The following MYCBP2 variants were observed in gnomAD, a reference collection of about 807,000 sequenced individuals.
MYCBP2 encodes MYC binding protein 2.
MYCBP2 carries 120 observed loss-of-function variants against 525.3 expected under a neutral mutation model. The ratio of observed to expected loss-of-function variants is 0.23; its 90% CI spans 0.20 to 0.27. The LOEUF (loss-of-function observed/expected upper bound fraction) is 0.27, where lower values mean the gene tolerates loss of function less well. Among genes scored for constraint, MYCBP2 ranks in the 10% least tolerant of loss-of-function variants. MYCBP2 has a pLI of 1.00. For synonymous variants in MYCBP2, 1,894 were observed against 1,955.8 expected (o/e 0.97, Z 0.83); for missense variants, 4,149 against 5,657.1 (o/e 0.73, Z 8.55).
Position 77,217,956 on chromosome 13 carries a change from C to T in MYCBP2, c.2941G>A (p.Gly981Arg). 11 of 1,566,330 alleles carry T rather than the reference C, an allele frequency of 7.0e-6. No homozygotes were observed. Among genetic ancestry groups the T allele is most frequent in the Non-Finnish European group, 6.9e-6 (8 of 1,162,170 alleles). ...AATGCTTGAACAAGAGTGGGACATCCCCTAGGTTAAAAAAAAAAAAAGTAA... is the reference window on the plus strand; with the variant it reads ...AATGCTTGAACAAGAGTGGGACATCTCCTAGGTTAAAAAAAAAAAAAGTAA... ...QLGHGDVNSR[G>R]CPTLVQALPG... Residue 981 changes from glycine to arginine, a missense_variant and splice_region_variant, in exon 21 of 83, where the codon GGA (glycine) becomes AGA (arginine). By Grantham distance (125) the Gly-to-Arg change is moderately radical. Coordinates refer to ENST00000544440, the MANE Select transcript of MYCBP2 (RefSeq NM_015057.5).
At chr13:77,180,581 T>C (rs1475203390) in intron 33 of MYCBP2, among the ~76,000 whole-genome samples, 1 of 152,180 alleles carries the variant, frequency 6.6e-6, no homozygotes, top group East Asian at 1.9e-4. Flanking sequence ...TTATTTAACT[T>C]TCAATTTACA....
At chr13:77,228,524 C>A (rs943543051) in intron 18 of MYCBP2, among the ~76,000 whole-genome samples, 16 of 150,108 alleles carry the variant, frequency 1.1e-4, no homozygotes, top group Non-Finnish European at 2.1e-4. Flanking sequence ...AAAAAAAAAT[C>A]TGTTCAAGCT....
intron 29 of MYCBP2, 99 bp from the exon 30 acceptor site, chr13:77,189,146 T>C (rs968303531): frequency 1.3e-6 from 1 of 776,754 alleles, no homozygotes; most frequent in African/African-American, 1.8e-5. Context: ...AAATAAATTA[T>C]ATATTTAAAT....
At position 77,273,626 on chromosome 13, in the gene MYCBP2, G is replaced by A. The variant is rs1317140976; in HGVS notation, c.791C>T (p.Thr264Ile). The A allele has an allele frequency of 6.3e-7, 1 of 1,575,370 alleles. No individual in the cohort carries two copies. The highest frequency in any genetic ancestry group is 8.6e-7 in the Non-Finnish European group (1 of 1,166,926). Residue 264 changes from threonine (T) to isoleucine (I), a missense_variant, in exon 5 of 83, where the codon ACT becomes ATT. Physicochemically the swap from Thr to Ile is moderately conservative, Grantham distance 89. Transcript: ENST00000544440. Reference protein sequence around the residue: ...QLLLEITVRSTGMNDSTGQSL... With the variant: ...QLLLEITVRSIGMNDSTGQSL... ...CTGTCCTGTGCTGTCATTCATCCCA[G>A]TACTTCGAACGGTGATTTCCAAAAG...
chr13:77,226,334 C>T (rs1413248357), intron 18 of MYCBP2, among the ~76,000 whole-genome samples: 1 of 152,164 alleles, frequency 6.6e-6, no homozygotes, highest in Non-Finnish European at 1.5e-5. Context: ...AACAATCTAA[C>T]CATAGCATCA....
At position 77,232,613 on chromosome 13, in the gene MYCBP2, C is replaced by T. The variant is rs567408976; in HGVS notation, c.2737+543G>A. Among the ~76,000 whole-genome samples, 321 of 152,270 alleles carry T rather than the reference C, an allele frequency of 2.1e-3. 1 individual carries two copies. Among genetic ancestry groups the T allele is most frequent in the Non-Finnish European group, 2.6e-3 (174 of 68,016 alleles). ...GGGACTAGAGAAAGTCTTCATGATT[C>T]GTGCTTTGCTTGCACTTATCTCTAC... On this transcript the variant is annotated intron_variant, in intron 18 of 82. Transcript: ENST00000544440.
rs887996802 is a variant in MYCBP2, at chr13:77,076,967, C to T, written c.11725-118G>A. ...ATATGCTACTCTTGCTAATATACAC[C>T]ACTATTTTTCTTAATTACAAATGCA... On this transcript the variant is annotated intron_variant, in intron 67 of 82. Coordinates refer to ENST00000544440, the MANE Select transcript of MYCBP2 (RefSeq NM_015057.5). 5 of 1,099,672 alleles carry T rather than the reference C, an allele frequency of 4.5e-6. No individual in the cohort carries two copies. In the Admixed American group the frequency reaches 1.2e-4, roughly 27 times the overall value. 68.1% of individuals were successfully genotyped at this position (1,099,672 alleles called of 1,614,324 possible).
intron 26 of MYCBP2, among the ~76,000 whole-genome samples, chr13:77,203,745 A>C (rs2062927758): frequency 6.6e-6 from 1 of 152,182 alleles, no homozygotes; most frequent in South Asian, 2.1e-4. Flanking sequence ...AATGCCACAT[A>C]TCTACAACTA....
chr13:77,166,352 G>C lies in MYCBP2; in HGVS notation c.6317C>G (p.Pro2106Arg). 6.2e-7 allele frequency: 1 copy of C among 1,611,940 alleles called. No homozygotes were observed. Among genetic ancestry groups the C allele is most frequent in the Non-Finnish European group, 8.5e-7 (1 of 1,178,890 alleles). ...ACCTGGCAACACCAAAACCATAGTAGGCCACCCAGAGGATCCTGAAAATTT... is the reference window on the plus strand; with the variant it reads ...ACCTGGCAACACCAAAACCATAGTACGCCACCCAGAGGATCCTGAAAATTT... ...LKKFSGSSGWPTMVLVLPGNE... is the reference protein window; with the variant it reads ...LKKFSGSSGWRTMVLVLPGNE... Residue 2106 changes from proline (P) to arginine (R), a missense_variant, in exon 41 of 83, where the codon CCT becomes CGT. This residue lies in a region of MYCBP2 where 692 missense variants were observed against 852.7 expected (regional missense o/e 0.81). Coordinates refer to ENST00000544440, the MANE Select transcript of MYCBP2 (RefSeq NM_015057.5).
chr13:77,243,197 T>A, intron 16 of MYCBP2, 37 bp from the exon 17 acceptor site: 6 of 1,363,794 alleles, frequency 4.4e-6, no homozygotes, highest in South Asian at 3.5e-5. Flanking sequence ...AACAACAACA[T>A]ATATGTTATA....
At chr13:77,120,640 G>C (rs944196552) in intron 55 of MYCBP2, among the ~76,000 whole-genome samples, 1 of 152,108 alleles carries the variant, frequency 6.6e-6, no homozygotes, top group Non-Finnish European at 1.5e-5. Context: ...AAGGAGTCTA[G>C]ATCAGGTACA....
At chr13:77,109,059 C>T (rs1304973137) in intron 55 of MYCBP2, among the ~76,000 whole-genome samples, 1 of 152,126 alleles carries the variant, frequency 6.6e-6, no homozygotes, top group South Asian at 2.1e-4. Flanking sequence ...CAACTCACTG[C>T]CTCAAAATGG....
chr13:77,308,582 AT>A (rs1214954304), intron 1 of MYCBP2, among the ~76,000 whole-genome samples: 1 of 152,230 alleles, frequency 6.6e-6, no homozygotes, highest in Non-Finnish European at 1.5e-5. Flanking sequence ...TGCTAAACAC[AT>A]TTTTATTATT....
chr13:77,324,427 C>T (rs941182031), intron 1 of MYCBP2, among the ~76,000 whole-genome samples: 2 of 152,238 alleles, frequency 1.3e-5, no homozygotes, highest in Admixed American at 6.5e-5. Context: ...CATTCAGAGC[C>T]GAAACCCCAA....
intron 20 of MYCBP2, 75 bp from the exon 21 acceptor site, chr13:77,218,032 C>A: frequency 1.0e-6 from 1 of 964,734 alleles, no homozygotes; most frequent in Non-Finnish European, 1.6e-6. Context: ...GTAAGCAATG[C>A]AACAAGGAGT....
intron 72 of MYCBP2, among the ~76,000 whole-genome samples, chr13:77,065,750 G>A (rs973737703): frequency 6.2e-4 from 95 of 152,152 alleles, no homozygotes; most frequent in African/African-American, 2.1e-3. Flanking sequence ...TATTTTATTA[G>A]ATTTTAAAGT....
At chr13:77,270,616 C>T (rs2154344684) in intron 5 of MYCBP2, 78 bp from the exon 6 acceptor site, 2 of 1,323,720 alleles carry the variant, frequency 1.5e-6, no homozygotes, top group Non-Finnish European at 2.1e-6. Flanking sequence ...TTTGGTAATA[C>T]ATCATCATTC....
intron 44 of MYCBP2, among the ~76,000 whole-genome samples, chr13:77,159,140 T>G (rs1332496365): frequency 6.6e-6 from 1 of 152,236 alleles, no homozygotes; most frequent in Non-Finnish European, 1.5e-5. Context: ...AGACTTAAAT[T>G]CAAATCCTGG....
chr13:77,065,859 T>G, intron 72 of MYCBP2, 133 bp downstream of exon 72: 1 of 529,242 alleles, frequency 1.9e-6, no homozygotes, highest in Non-Finnish European at 3.3e-6. Context: ...AACAGCATGA[T>G]AGTTAACATA....
Sources: gnomAD v4.1 joint callset for allele counts (sites outside exome capture counted in the v4.1 genomes callset) on GRCh38, gnomAD v4.1.1 for gene constraint, gnomAD v4.1.1 regional missense constraint, MANE v1.5 for transcripts, NCBI Gene and HGNC (gene_info 2026-07-23, HGNC 2026-07-21) for gene names.